MED27: variants seen among roughly 807,000 people sequenced by gnomAD.
The protein encoded by MED27 is mediator of RNA polymerase II transcription subunit 27.
Under a neutral mutation model 38.2 loss-of-function variants are expected in MED27, and 30 were observed. That is an observed-to-expected ratio of 0.79 (90% confidence interval 0.59 to 1.07). MED27 has a LOEUF of 1.07. Among genes scored for constraint, MED27 ranks in the 50% least tolerant of loss-of-function variants. The probability of loss-of-function intolerance (pLI) is 0.00; values close to 1 mark genes in which losing one functional copy is unlikely to be tolerated. For missense variants in MED27, 289 were observed against 397.5 expected (o/e 0.73, Z 2.32); for synonymous variants, 122 against 153.5 (o/e 0.79, Z 1.52).
chr9:131,952,282 A>G (rs377132649), intron 3 of MED27, among the ~76,000 whole-genome samples: 6 of 152,340 alleles, frequency 3.9e-5, no homozygotes, highest in South Asian at 4.1e-4. Flanking sequence ...AATTTCTCCA[A>G]TCCTACAGCA....
At chr9:131,956,851 T>G (rs1003979777) in intron 3 of MED27, among the ~76,000 whole-genome samples, 3 of 151,948 alleles carry the variant, frequency 2.0e-5, no homozygotes, top group African/African-American at 7.3e-5. Context: ...CATACACACT[T>G]TCAGCAGAGT....
At chr9:132,012,709 T>C (rs565161854) in intron 3 of MED27, among the ~76,000 whole-genome samples, 23 of 152,176 alleles carry the variant, frequency 1.5e-4, no homozygotes, top group Non-Finnish European at 2.9e-4. Flanking sequence ...CTTACCCCAC[T>C]CTGTAGTCCC....
At chr9:132,073,933 A>G (rs1833995457) in intron 2 of MED27, among the ~76,000 whole-genome samples, 1 of 152,202 alleles carries the variant, frequency 6.6e-6, no homozygotes, top group Non-Finnish European at 1.5e-5. Flanking sequence ...TGCCATAAAC[A>G]AATGAAAAAA....
At chr9:131,981,412 C>T (rs944010195) in intron 3 of MED27, among the ~76,000 whole-genome samples, 2 of 152,140 alleles carry the variant, frequency 1.3e-5, no homozygotes, top group African/African-American at 4.8e-5. Context: ...GATCTCTGAT[C>T]GTGAAGAAGT....
rs142581062 is a variant in MED27 at position 131,991,911 on chromosome 9, T to C, written c.479+22426A>G. Among the ~76,000 whole-genome samples the C allele has an allele frequency of 6.9e-4, 105 of 152,124 alleles. 1 individual carries two copies. The highest frequency in any genetic ancestry group is 2.5e-3 in the African/African-American group (102 of 41,502). On this transcript the variant is annotated intron_variant, in intron 3 of 7. Coordinates refer to ENST00000292035, the MANE Select transcript of MED27 (RefSeq NM_004269.4). ...TAAGTTTTTGTATCTTTAGTAGAGA[T>C]GGGGTTTTACCACGTTAGCCAGGAT...
rs1486206319 is a variant in MED27, at chr9:131,925,663, A to T, written c.573+13718T>A. Among the ~76,000 whole-genome samples, 3 of 152,274 alleles carry T rather than the reference A, an allele frequency of 2.0e-5. No individual in the cohort carries two copies. In the East Asian group the frequency reaches 5.8e-4, roughly 29 times the overall value. On this transcript the variant is annotated intron_variant, in intron 4 of 7. Coordinates refer to ENST00000292035, the MANE Select transcript of MED27 (RefSeq NM_004269.4). ...TAATCCCTTTAAAATAAATTAAGTT[A>T]AAACCCAGGGAAAATTAAAGAATAA...
chr9:132,004,937 T>G (rs139357647), intron 3 of MED27, among the ~76,000 whole-genome samples: 6 of 151,970 alleles, frequency 3.9e-5, no homozygotes, highest in Admixed American at 1.3e-4. Flanking sequence ...CCTCAAGGAG[T>G]TGAAGTCTCA....
In MED27 at chr9:131,860,490, G is replaced by A; in HGVS notation, c.*48C>T. Reference sequence around the variant, plus strand: ...TGAGCCTTCTGTGGGCTTCCTGCGTGTCTGGGAAGGTGCTGGGTGGGGTCT... The same window carrying A: ...TGAGCCTTCTGTGGGCTTCCTGCGTATCTGGGAAGGTGCTGGGTGGGGTCT... On this transcript the variant is annotated 3_prime_UTR_variant, in exon 8 of 8. Transcript: ENST00000292035. The surrounding 1 kb of genome is among the most constrained non-coding windows in gnomAD (Gnocchi z 5.8). 2 of 1,469,640 alleles carry A rather than the reference G, an allele frequency of 1.4e-6. No individual in the cohort carries two copies. Among genetic ancestry groups the A allele is most frequent in the Non-Finnish European group, 1.8e-6 (2 of 1,111,452 alleles). 91.0% of individuals were successfully genotyped at this position (1,469,640 alleles called of 1,614,324 possible). A position where few individuals can be genotyped will look rare whatever the true frequency, so the allele number is the denominator to read the frequency against.
intron 2 of MED27, among the ~76,000 whole-genome samples, chr9:132,058,290 G>C (rs932611170): frequency 3.3e-5 from 5 of 152,138 alleles, no homozygotes; most frequent in African/African-American, 9.7e-5. Context: ...CAATTTGGCT[G>C]TGTCCCTACC....
chr9:131,875,455 ACT>A, intron 6 of MED27, among the ~76,000 whole-genome samples: 1 of 152,196 alleles, frequency 6.6e-6, no homozygotes, highest in South Asian at 2.1e-4. Flanking sequence ...CACCGTGTCC[ACT>A]GTGGAGATAT....
At chr9:132,032,515 CT>C (rs1832986517) in intron 2 of MED27, among the ~76,000 whole-genome samples, 1 of 152,164 alleles carries the variant, frequency 6.6e-6, no homozygotes, top group South Asian at 2.1e-4. Context: ...AGAACTGTCT[CT>C]TTTCTCATTT....
intron 3 of MED27, among the ~76,000 whole-genome samples, chr9:131,993,092 T>C (rs1267003469): frequency 2.6e-5 from 4 of 152,200 alleles, no homozygotes; most frequent in African/African-American, 7.2e-5. Context: ...TATTTTCATA[T>C]GCAGGATGTT....
At chr9:131,940,000 G>T (rs566667165) in intron 3 of MED27, among the ~76,000 whole-genome samples, 2 of 149,024 alleles carry the variant, frequency 1.3e-5, no homozygotes, top group Admixed American at 6.7e-5. Context: ...TCTGCCTCCC[G>T]GGTTCAAGCG....
intron 4 of MED27, among the ~76,000 whole-genome samples, chr9:131,898,729 C>T (rs111542905): frequency 0.011 from 1,704 of 152,106 alleles, 31 homozygotes; most frequent in African/African-American, 0.039. Flanking sequence ...GGATTACAGG[C>T]GTGTGCCACC....
intron 2 of MED27, among the ~76,000 whole-genome samples, chr9:132,017,933 G>GC (rs1832640048): frequency 6.6e-6 from 1 of 152,156 alleles, no homozygotes; most frequent in Admixed American, 6.5e-5. Flanking sequence ...TTAAAATAAT[G>GC]CTGTTTTAGT....
chr9:131,890,178 G>C (rs10751489), intron 5 of MED27, among the ~76,000 whole-genome samples: 77,031 of 152,066 alleles, frequency 0.51, 21,110 homozygotes, highest in Middle Eastern at 0.63. Flanking sequence ...AAAAAAAGGG[G>C]CTAATCAAAT....
In MED27 at chr9:131,889,199, A is replaced by G. The variant is rs536540665; in HGVS notation, c.681+4686T>C. Among the ~76,000 whole-genome samples the G allele has an allele frequency of 6.6e-6, 1 of 152,360 alleles. No individual in the cohort carries two copies. Among genetic ancestry groups the G allele is most frequent in the Admixed American group, 6.5e-5 (1 of 15,306 alleles). Reference sequence around the variant, plus strand: ...CACAGCCAACTTTGAAGTGGGAAGAATGCAGGGATCAGAAATTACCCTGGA... The same window carrying G: ...CACAGCCAACTTTGAAGTGGGAAGAGTGCAGGGATCAGAAATTACCCTGGA... On this transcript the variant is annotated intron_variant, in intron 5 of 7. Transcript: ENST00000292035. This position sits in a 1 kb window ranked among gnomAD's most constrained non-coding sequence, Gnocchi z 4.2.
At chr9:131,942,185 A>G (rs1247120242) in intron 3 of MED27, among the ~76,000 whole-genome samples, 1 of 152,054 alleles carries the variant, frequency 6.6e-6, no homozygotes, top group Non-Finnish European at 1.5e-5. Context: ...ACACAGGTTG[A>G]CCACACATCA....
chr9:132,048,346 G>C (rs975927583), intron 2 of MED27, among the ~76,000 whole-genome samples: 5 of 152,136 alleles, frequency 3.3e-5, no homozygotes, highest in African/African-American at 1.2e-4. Context: ...AACCACTACG[G>C]AGAGGAAAAA....
Sources: allele counts gnomAD v4.1 joint callset (sites outside exome capture counted in the v4.1 genomes callset), GRCh38; gene constraint gnomAD v4.1.1; non-coding constraint Gnocchi (gnomAD v3.1); transcripts MANE v1.5; gene names NCBI Gene and HGNC (gene_info 2026-07-23, HGNC 2026-07-21).